FAF1: variants seen among roughly 807,000 people sequenced by gnomAD.
FAF1 encodes FAS-associated factor 1.
In FAF1, 25 loss-of-function variants were observed where a neutral mutation model predicts 92.5. That is an observed-to-expected ratio of 0.27 (90% CI 0.20 to 0.38). The LOEUF is 0.38. Among genes scored for constraint, FAF1 ranks in the 10% least tolerant of loss-of-function variants. The pLI, the probability that FAF1 is intolerant of heterozygous loss-of-function variation, is 1.00. For synonymous variants in FAF1, 234 were observed against 273.2 expected (o/e 0.86, Z 1.42); for missense variants, 636 against 793.3 (o/e 0.80, Z 2.38).
chr1:50,724,296 T>TACACATACACAC (rs1553132402), intron 6 of FAF1, among the ~76,000 whole-genome samples: 47 of 117,218 alleles, frequency 4.0e-4, no homozygotes, highest in Non-Finnish European at 8.0e-4. Context: ...CACACACACA[T>TACACATACACAC]ACACACACAC....
At chr1:50,548,047 A>G (rs548046576) in intron 13 of FAF1, among the ~76,000 whole-genome samples, 2 of 152,366 alleles carry the variant, frequency 1.3e-5, no homozygotes, top group South Asian at 2.1e-4. Flanking sequence ...CTAGCAATGC[A>G]AAGAAAAGAT....
At chr1:50,776,401 C>T (rs1193507864) in intron 4 of FAF1, among the ~76,000 whole-genome samples, 1 of 152,134 alleles carries the variant, frequency 6.6e-6, no homozygotes, top group Non-Finnish European at 1.5e-5. Context: ...TATTATGAAT[C>T]ATATGGCAGG....
chr1:50,954,355 C>G (rs1023999235), intron 1 of FAF1, among the ~76,000 whole-genome samples: 1 of 152,004 alleles, frequency 6.6e-6, no homozygotes, highest in Non-Finnish European at 1.5e-5. Context: ...TCTGTATTAA[C>G]AGCAACAGAG....
Position 50,774,779 on chromosome 1 carries a change from A to G in FAF1, c.367+13221T>C, listed in dbSNP as rs1660896623. Among the ~76,000 whole-genome samples the G allele has an allele frequency of 3.9e-5, 6 of 152,244 alleles. No homozygotes were observed. In the South Asian group the frequency reaches 1.2e-3, roughly 32 times the overall value. On this transcript the variant is annotated intron_variant, in intron 4 of 18. Transcript: ENST00000396153. ...GATCTAACAATATACAATAATCCCT[A>G]CCCTCAAAGAGATCACAATACTTCA...
chr1:50,498,065 T>C (rs552803209), intron 15 of FAF1, among the ~76,000 whole-genome samples: 10 of 152,012 alleles, frequency 6.6e-5, no homozygotes, highest in African/African-American at 1.9e-4. Flanking sequence ...GATAGACATA[T>C]AGAAAAATGA....
intron 1 of FAF1, among the ~76,000 whole-genome samples, chr1:50,882,995 A>C (rs2124690644): frequency 6.6e-6 from 1 of 152,044 alleles, no homozygotes; most frequent in African/African-American, 2.4e-5. Flanking sequence ...CAAAAAAAAA[A>C]AAAAAAACTA....
chr1:50,448,306 C>T (rs1193318891), intron 18 of FAF1, among the ~76,000 whole-genome samples: 1 of 152,210 alleles, frequency 6.6e-6, no homozygotes, highest in Non-Finnish European at 1.5e-5. Context: ...TGGATTCCCA[C>T]TGCTATAACC....
intron 17 of FAF1, among the ~76,000 whole-genome samples, chr1:50,490,068 A>G (rs1319975112): frequency 1.3e-5 from 2 of 152,180 alleles, no homozygotes; most frequent in Non-Finnish European, 2.9e-5. Context: ...AGAAATATTA[A>G]CAGTTTTGCA....
intron 13 of FAF1, among the ~76,000 whole-genome samples, chr1:50,550,037 C>T (rs1415726132): frequency 7.2e-5 from 11 of 151,994 alleles, no homozygotes; most frequent in Admixed American, 2.6e-4. Flanking sequence ...AAACAACTAT[C>T]ACCCTAATGG....
At chr1:50,762,487 CAG>C (rs1660368220) in intron 4 of FAF1, among the ~76,000 whole-genome samples, 1 of 151,622 alleles carries the variant, frequency 6.6e-6, no homozygotes, top group Non-Finnish European at 1.5e-5. Context: ...GGTACCAAAA[CAG>C]AGATATAGAT....
intron 1 of FAF1, among the ~76,000 whole-genome samples, chr1:50,864,139 C>A (rs1480682677): frequency 6.6e-6 from 1 of 150,784 alleles, no homozygotes; most frequent in Non-Finnish European, 1.5e-5. Context: ...TTTTGTTGAT[C>A]CTTTCAAAAA....
rs370246808 is a variant in FAF1, at chr1:50,821,461, T to G, written c.115-19784A>C. On this transcript the variant is annotated intron_variant, in intron 2 of 18. Coordinates refer to ENST00000396153, the MANE Select transcript of FAF1 (RefSeq NM_007051.3). Reference sequence around the variant, plus strand: ...TTTACTATGCCATACCATTCTTATTTCCCATGGGCCCTTTATTATTTCAGA... The same window carrying G: ...TTTACTATGCCATACCATTCTTATTGCCCATGGGCCCTTTATTATTTCAGA... 1.8e-4 allele frequency among the ~76,000 whole-genome samples: 28 copies of G among 152,306 alleles called. No homozygotes were observed. In the South Asian group the frequency reaches 4.6e-3, roughly 25 times the overall value.
In FAF1 at chr1:50,709,082, C is replaced by T. The variant is rs537894308; in HGVS notation, c.552-3191G>A. Reference sequence around the variant, plus strand: ...GTTTGAAGGCCTTTCAAAGGTAGATCTATTGTACAACTATTCTCCAAAATG... The same window carrying T: ...GTTTGAAGGCCTTTCAAAGGTAGATTTATTGTACAACTATTCTCCAAAATG... On this transcript the variant is annotated intron_variant, in intron 6 of 18. Coordinates refer to ENST00000396153, the MANE Select transcript of FAF1 (RefSeq NM_007051.3). Among the ~76,000 whole-genome samples the T allele has an allele frequency of 2.0e-4, 31 of 152,314 alleles. 1 individual carries two copies. The South Asian group carries it at 6.0e-3, about 30-fold the overall frequency.
chr1:50,666,917 CAT>C (rs941689025), intron 7 of FAF1, among the ~76,000 whole-genome samples: 52 of 152,266 alleles, frequency 3.4e-4, no homozygotes, highest in African/African-American at 1.1e-3. Flanking sequence ...AAACTAGTAA[CAT>C]GTGATCAACT....
At chr1:50,696,306 T>C (rs1025517268) in intron 7 of FAF1, among the ~76,000 whole-genome samples, 3 of 152,198 alleles carry the variant, frequency 2.0e-5, no homozygotes, top group African/African-American at 7.2e-5. Context: ...TTTTCCTTTA[T>C]ACAGTCTTTC....
intron 1 of FAF1, among the ~76,000 whole-genome samples, chr1:50,869,670 T>C (rs1644510866): frequency 6.6e-6 from 1 of 152,204 alleles, no homozygotes; most frequent in Non-Finnish European, 1.5e-5. Context: ...TACTTTATCT[T>C]CTATACCATT....
At chr1:50,775,169 GT>G (rs1660910547) in intron 4 of FAF1, among the ~76,000 whole-genome samples, 1 of 151,986 alleles carries the variant, frequency 6.6e-6, no homozygotes, top group African/African-American at 2.4e-5. Context: ...TCTATTGCTG[GT>G]CACATAAACT....
chr1:50,583,603 A>G lies in FAF1; in HGVS notation c.1031+49T>C, dbSNP rs751625629. The G allele has an allele frequency of 4.3e-6, 5 of 1,149,800 alleles. No homozygotes were observed. Among genetic ancestry groups the G allele is most frequent in the Non-Finnish European group, 6.1e-6 (5 of 817,556 alleles). 71.2% of individuals were successfully genotyped at this position (1,149,800 alleles called of 1,614,324 possible). ...ATTAAAATTGCCCAAGAAAAATCACAGTAGCATAAAACAGCATCAAATTTA... is the reference window on the plus strand; with the variant it reads ...ATTAAAATTGCCCAAGAAAAATCACGGTAGCATAAAACAGCATCAAATTTA... On this transcript the variant is annotated intron_variant, in intron 11 of 18. Transcript: ENST00000396153. This position sits in a 1 kb window ranked among gnomAD's most constrained non-coding sequence, Gnocchi z 4.2.
chr1:50,836,170 GTTT>G (rs36053491), intron 2 of FAF1, among the ~76,000 whole-genome samples: 6 of 98,520 alleles, frequency 6.1e-5, no homozygotes, highest in African/African-American at 2.1e-4. Context: ...TTTTGTTTCT[GTTT>G]TTTTTTTTTT....
Sources: gnomAD v4.1 joint callset for allele counts (sites outside exome capture counted in the v4.1 genomes callset) on GRCh38, gnomAD v4.1.1 for gene constraint, Gnocchi (gnomAD v3.1) non-coding constraint, MANE v1.5 for transcripts, NCBI Gene and HGNC (gene_info 2026-07-23, HGNC 2026-07-21) for gene names.